The following SEMA3B variants were observed in gnomAD, a reference collection of about 807,000 sequenced individuals.
SEMA3B encodes semaphorin-3B.
Under a neutral mutation model 77.8 loss-of-function variants are expected in SEMA3B, and 71 were observed. The observed-to-expected ratio is 0.91, with a 90% CI of 0.75 to 1.11. The LOEUF is 1.11. Among genes scored for constraint, SEMA3B ranks in the 50% most tolerant of loss-of-function variants. The pLI, the probability that SEMA3B is intolerant of heterozygous loss-of-function variation, is 0.00. For missense variants in SEMA3B, 968 were observed against 1,056.8 expected, an observed-to-expected ratio of 0.92 and a Z score of 1.17; for synonymous variants, 470 against 452.9, an observed-to-expected ratio of 1.04 and a Z score of -0.48.
Position 50,271,484 on chromosome 3 carries a change from A to T in SEMA3B, c.664+4A>T. 1 of 1,559,204 alleles carries T rather than the reference A, an allele frequency of 6.4e-7. No homozygotes were observed. The highest frequency in any genetic ancestry group is 8.7e-7 in the Non-Finnish European group (1 of 1,151,482). On this transcript the variant is annotated splice_donor_region_variant and intron_variant, in intron 6 of 16. Coordinates refer to ENST00000616701, the MANE Select transcript of SEMA3B (RefSeq NM_001290060.2). ...CACGACTCCCGCTGGCTCAATGGTG[A>T]GAGGCTGGTGGGGTTGGTGGGTAGA...
chr3:50,266,384 C>A (rs1700898323), upstream of SEMA3B, among the ~76,000 whole-genome samples: 1 of 152,204 alleles, frequency 6.6e-6, no homozygotes, highest in Non-Finnish European at 1.5e-5. Context: ...GCGGCTCCCA[C>A]TGGCCCCTGT....
Position 50,273,005 on chromosome 3 carries a change from A to G in SEMA3B, c.665-293A>G, listed in dbSNP as rs1701098207. 5.0e-6 allele frequency: 2 copies of G among 397,354 alleles called. No individual in the cohort carries two copies. Among genetic ancestry groups the G allele is most frequent in the Admixed American group, 4.4e-5 (1 of 22,762 alleles). 24.6% of individuals were successfully genotyped at this position (397,354 alleles called of 1,614,324 possible). ...CTCATCTCCCTCCTACCCCAGCCTAAGGTGCTGGGCGACGTGTGGGGCGAG... is the reference window on the plus strand; with the variant it reads ...CTCATCTCCCTCCTACCCCAGCCTAGGGTGCTGGGCGACGTGTGGGGCGAG... On this transcript the variant is annotated intron_variant, in intron 6 of 16. Coordinates refer to ENST00000616701, the MANE Select transcript of SEMA3B (RefSeq NM_001290060.2). The surrounding 1 kb of genome is among the most constrained non-coding windows in gnomAD (Gnocchi z 6.5).
rs1427943052 is a variant in SEMA3B, at chr3:50,270,649, G to C, written c.330+154G>C. 1 of 1,168,156 alleles carries C rather than the reference G, an allele frequency of 8.6e-7. No homozygotes were observed. The highest frequency in any genetic ancestry group is 1.2e-6 in the Non-Finnish European group (1 of 835,992). 72.4% of individuals were successfully genotyped at this position (1,168,156 alleles called of 1,614,324 possible). On this transcript the variant is annotated intron_variant, in intron 3 of 16. Coordinates refer to ENST00000616701, the MANE Select transcript of SEMA3B (RefSeq NM_001290060.2). The surrounding 1 kb of genome is among the most constrained non-coding windows in gnomAD (Gnocchi z 4.7). ...CTGGGGGTGGTGAGTCAGGGTGGGGGCTCGTGTAATTCTTCTGGGGTGCCT... is the reference window on the plus strand; with the variant it reads ...CTGGGGGTGGTGAGTCAGGGTGGGGCCTCGTGTAATTCTTCTGGGGTGCCT...
At position 50,276,966 on chromosome 3, in the gene SEMA3B, C is replaced by T; in HGVS notation, c.*260C>T. The T allele has an allele frequency of 2.3e-6, 1 of 437,984 alleles. No individual in the cohort carries two copies. Among genetic ancestry groups the T allele is most frequent in the South Asian group, 5.1e-5 (1 of 19,526 alleles). 27.1% of individuals were successfully genotyped at this position (437,984 alleles called of 1,614,324 possible). On this transcript the variant is annotated 3_prime_UTR_variant, in exon 17 of 17. Transcript: ENST00000616701. The surrounding 1 kb of genome is among the most constrained non-coding windows in gnomAD (Gnocchi z 5.8). ...GGAGGGAAGGGACGGGGAAGCCGAG[C>T]TCCAGAGCAACGACCAGGGCCGAGG...
upstream of SEMA3B, chr3:50,262,923 C>G (rs1005458293): frequency 6.6e-6 from 1 of 152,296 alleles, no homozygotes; most frequent in Admixed American, 6.5e-5. Flanking sequence ...TCTGCTGGGT[C>G]CTGGGTTCTC....
At chr3:50,264,221 G>GA (rs782225046), upstream of SEMA3B, among the ~76,000 whole-genome samples, 2 of 147,970 alleles carry the variant, frequency 1.4e-5, no homozygotes, top group African/African-American at 2.5e-5. Flanking sequence ...AAAAAAAGAA[G>GA]AAAAAAAAAA....
upstream of SEMA3B, among the ~76,000 whole-genome samples, chr3:50,264,306 A>T (rs1016420243): frequency 6.6e-6 from 1 of 152,160 alleles, no homozygotes; most frequent in Non-Finnish European, 1.5e-5. Context: ...TTCAGCTGGG[A>T]TGGAAGAGGC....
Position 50,271,010 on chromosome 3 carries a change from G to A in SEMA3B, c.450+1G>A. On this transcript the variant is annotated splice_donor_variant, in intron 4 of 16. Transcript: ENST00000616701. LOFTEE classifies it high-confidence loss of function. ...TGTGGAAGTGGGCCACCGGGCAGAG[G>A]TAAGGCCGGATCTAGGCAGGGAGGG... The A allele has an allele frequency of 6.3e-7, 1 of 1,599,966 alleles. No homozygotes were observed. The highest frequency in any genetic ancestry group is 8.5e-7 in the Non-Finnish European group (1 of 1,173,218).
rs373526880 is a variant in SEMA3B at position 50,271,435 on chromosome 3, C to T, written c.619C>T (p.Arg207Cys). 84 of 1,584,774 alleles carry T rather than the reference C, an allele frequency of 5.3e-5. No homozygotes were observed. The highest frequency in any genetic ancestry group is 1.1e-4 in the Admixed American group (6 of 55,412). Residue 207 changes from arginine to cysteine, a missense_variant, in exon 6 of 17, where the codon CGT (arginine) becomes TGT (cysteine). By Grantham distance (180) the Arg-to-Cys change is radical (BLOSUM62 -3). Coordinates refer to ENST00000616701, the MANE Select transcript of SEMA3B (RefSeq NM_001290060.2). ...TACCATCTTTCGCAGCCTAGGGCAACGTCCAAGTCTCCGAACAGAGCCACA... is the reference window on the plus strand; with the variant it reads ...TACCATCTTTCGCAGCCTAGGGCAATGTCCAAGTCTCCGAACAGAGCCACA... ...DFTIFRSLGQ[R>C]PSLRTEPHDS... is the part of the protein sequence containing the mutation.
chr3:50,270,000 A>C lies in SEMA3B; in HGVS notation c.110-127A>C. On this transcript the variant is annotated intron_variant, in intron 1 of 16. Coordinates refer to ENST00000616701, the MANE Select transcript of SEMA3B (RefSeq NM_001290060.2). This position sits in a 1 kb window ranked among gnomAD's most constrained non-coding sequence, Gnocchi z 4.0. ...GGTTTGCGTGTGTAAACTCACACAC[A>C]TGTAAACTCACATGTGTACAGGCCA... 9.6e-7 allele frequency: 1 copy of C among 1,044,702 alleles called. No homozygotes were observed. The highest frequency in any genetic ancestry group is 1.3e-6 in the Non-Finnish European group (1 of 749,582). 64.7% of individuals were successfully genotyped at this position (1,044,702 alleles called of 1,614,324 possible). A position where few individuals can be genotyped will look rare whatever the true frequency, so the allele number is the denominator to read the frequency against.
chr3:50,271,039 T>A lies in SEMA3B; in HGVS notation c.450+30T>A, dbSNP rs782123149. 5 of 1,582,446 alleles carry A rather than the reference T, an allele frequency of 3.2e-6. No individual in the cohort carries two copies. In the African/African-American group the frequency reaches 5.4e-5, roughly 17 times the overall value. On this transcript the variant is annotated intron_variant, in intron 4 of 16. Coordinates refer to ENST00000616701, the MANE Select transcript of SEMA3B (RefSeq NM_001290060.2). Reference sequence around the variant, plus strand: ...GGCCGGATCTAGGCAGGGAGGGAGGTCAGGAGGGTAAGAAGGGCCTGGTAG... The same window carrying A: ...GGCCGGATCTAGGCAGGGAGGGAGGACAGGAGGGTAAGAAGGGCCTGGTAG...
Position 50,273,605 on chromosome 3 carries a change from C to T in SEMA3B, c.881C>T (p.Ser294Leu), listed in dbSNP as rs782317603. 1.9e-6 allele frequency: 3 copies of T among 1,612,702 alleles called. No individual in the cohort carries two copies. Among genetic ancestry groups the T allele is most frequent in the South Asian group, 1.1e-5 (1 of 91,078 alleles). The part of the protein sequence containing the change: ...TTFLKARLVC[S>L]VPGVEGDTHF... ...TTCCTGAAGGCGCGGCTGGTGTGCT[C>T]GGTGCCCGGCGTCGAGGGCGACACC... is the stretch of plus-strand genomic sequence containing the variant. Residue 294 changes from serine (S) to leucine (L), a missense_variant, in exon 8 of 17, where the codon TCG (serine) becomes TTG (leucine). Transcript: ENST00000616701. This position sits in a 1 kb window ranked among gnomAD's most constrained non-coding sequence, Gnocchi z 6.5.
chr3:50,273,086 G>GCC lies in SEMA3B; in HGVS notation c.665-208_665-207dup. 1.4e-6 allele frequency: 1 copy of GCC among 690,594 alleles called. No homozygotes were observed. The highest frequency in any genetic ancestry group is 2.3e-6 in the Non-Finnish European group (1 of 434,352). The allele number at this position is 690,594 out of a possible 1,614,324, so 42.8% of individuals were successfully genotyped here. On this transcript the variant is annotated intron_variant, in intron 6 of 16. Transcript: ENST00000616701. The surrounding 1 kb of genome is among the most constrained non-coding windows in gnomAD (Gnocchi z 6.5). The stretch of plus-strand genomic sequence containing the variant: ...CCCCCAGGTAGCCACGGTCTCTGCT[G>GCC]CCCCCTCGCGGCTGCTTCTTGCCTC...
upstream of SEMA3B, chr3:50,262,644 AT>A (rs1700849224): frequency 6.6e-6 from 1 of 152,370 alleles, no homozygotes; most frequent in Admixed American, 6.5e-5. Context: ...AGTCAAGGCC[AT>A]GGGTCCTTTT....
Position 50,275,516 on chromosome 3 carries a change from G to C in SEMA3B, c.1650-44G>C, listed in dbSNP as rs1341815887. 1 of 1,613,254 alleles carries C rather than the reference G, an allele frequency of 6.2e-7. No individual in the cohort carries two copies. Among genetic ancestry groups the C allele is most frequent in the Admixed American group, 1.7e-5 (1 of 60,022 alleles). On this transcript the variant is annotated intron_variant, in intron 14 of 16. Coordinates refer to ENST00000616701, the MANE Select transcript of SEMA3B (RefSeq NM_001290060.2). This position sits in a 1 kb window ranked among gnomAD's most constrained non-coding sequence, Gnocchi z 7.5. ...GGAGGCGAAGGGTCTTTCACTGCCC[G>C]GGGCTGAAAGAAGGGCTCACAGAAG...
chr3:50,264,939 C>T (rs1469921820), upstream of SEMA3B, among the ~76,000 whole-genome samples: 2 of 151,656 alleles, frequency 1.3e-5, no homozygotes, highest in African/African-American at 2.4e-5. Context: ...GTGGGGCAGG[C>T]GGGGGTAGGG....
In SEMA3B at chr3:50,274,190, A is replaced by C; in HGVS notation, c.1137+133A>C. 6.9e-7 allele frequency: 1 copy of C among 1,440,536 alleles called. No individual in the cohort carries two copies. Among genetic ancestry groups the C allele is most frequent in the Non-Finnish European group, 9.4e-7 (1 of 1,061,724 alleles). The allele number at this position is 1,440,536 out of a possible 1,614,324, so 89.2% of individuals were successfully genotyped here. On this transcript the variant is annotated intron_variant, in intron 10 of 16. Transcript: ENST00000616701. This position sits in a 1 kb window ranked among gnomAD's most constrained non-coding sequence, Gnocchi z 4.7. ...TGGGAAAACGTTTCCATCATAAGAC[A>C]AGGCTTGTTTCCCGCCTCTGACTTC...
In SEMA3B at chr3:50,275,101, C is replaced by G; in HGVS notation, c.1491+48C>G. On this transcript the variant is annotated intron_variant, in intron 13 of 16. Transcript: ENST00000616701. The surrounding 1 kb of genome is among the most constrained non-coding windows in gnomAD (Gnocchi z 7.5). The stretch of plus-strand genomic sequence containing the variant: ...GGGGTGGGATGGACTGAGCTTGTGC[C>G]TGGCGCGTCCCAAGCCTCTGGCCCC... The G allele has an allele frequency of 6.5e-7, 1 of 1,534,110 alleles. No individual in the cohort carries two copies. Among genetic ancestry groups the G allele is most frequent in the Non-Finnish European group, 8.8e-7 (1 of 1,137,880 alleles).
rs1553706425 is a variant in SEMA3B, at chr3:50,275,545, G to T, written c.1650-15G>T. The T allele has an allele frequency of 3.7e-6, 6 of 1,613,724 alleles. No homozygotes were observed. Among genetic ancestry groups the T allele is most frequent in the Non-Finnish European group, 5.1e-6 (6 of 1,179,898 alleles). On this transcript the variant is annotated splice_polypyrimidine_tract_variant and intron_variant, in intron 14 of 16. Transcript: ENST00000616701. The surrounding 1 kb of genome is among the most constrained non-coding windows in gnomAD (Gnocchi z 7.5). ...CTGAAAGAAGGGCTCACAGAAGATC[G>T]GATGTTCCCCACAGGCGGTTCCGGC... is the stretch of plus-strand genomic sequence containing the variant.
Sources: allele counts gnomAD v4.1 joint callset (sites outside exome capture counted in the v4.1 genomes callset), GRCh38; gene constraint gnomAD v4.1.1; non-coding constraint Gnocchi (gnomAD v3.1); transcripts MANE v1.5; gene names NCBI Gene and HGNC (gene_info 2026-07-23, HGNC 2026-07-21).